NECAB1: variants seen among roughly 807,000 people sequenced by gnomAD.
NECAB1 encodes N-terminal EF-hand calcium-binding protein 1.
In NECAB1, 29 loss-of-function variants were observed where a neutral mutation model predicts 57.5. The observed-to-expected ratio is 0.50, with a 90% confidence interval of 0.38 to 0.69. The LOEUF (loss-of-function observed/expected upper bound fraction) is 0.69, where lower values mean the gene tolerates loss of function less well. Ranked by LOEUF, NECAB1 falls within the 30% of genes least tolerant of loss-of-function variation. The pLI, the probability that NECAB1 is intolerant of heterozygous loss-of-function variation, is 0.00. For synonymous variants in NECAB1, 142 were observed against 147.7 expected, an observed-to-expected ratio of 0.96 and a Z score of 0.28; for missense variants, 372 against 413.8, an observed-to-expected ratio of 0.90 and a Z score of 0.88.
At position 90,957,416 on chromosome 8, in the gene NECAB1, G is replaced by A. The variant is rs1264275568; in HGVS notation, c.*1904G>A. 6.6e-6 allele frequency: 1 copy of A among 151,798 alleles called. No homozygotes were observed. Among genetic ancestry groups the A allele is most frequent in the East Asian group, 1.9e-4 (1 of 5,186 alleles). The allele number at this position is 151,798 out of a possible 1,614,324, so 9.4% of individuals were successfully genotyped here. ...GTTCTGTTTTCATTAACAGTACTAAGTGGAAGGGATCTGCAGATTCCAAAC... is the reference window on the plus strand; with the variant it reads ...GTTCTGTTTTCATTAACAGTACTAAATGGAAGGGATCTGCAGATTCCAAAC... On this transcript the variant is annotated 3_prime_UTR_variant, in exon 13 of 13. Transcript: ENST00000417640.
intron 4 of NECAB1, among the ~76,000 whole-genome samples, chr8:90,872,903 G>A (rs1808645091): frequency 6.6e-6 from 1 of 152,124 alleles, no homozygotes; most frequent in African/African-American, 2.4e-5. Flanking sequence ...TTGGTAGTTA[G>A]AGTTGAGTTT....
At chr8:90,875,438 G>A (rs1005433307) in intron 4 of NECAB1, among the ~76,000 whole-genome samples, 1 of 128,052 alleles carries the variant, frequency 7.8e-6, no homozygotes, top group Non-Finnish European at 1.5e-5. Flanking sequence ...CCGAGATTGC[G>A]CCACTGCAGT....
chr8:90,820,036 C>T (rs1812120357), intron 2 of NECAB1, among the ~76,000 whole-genome samples: 1 of 151,898 alleles, frequency 6.6e-6, no homozygotes, highest in Admixed American at 6.6e-5. Context: ...CCCTCTCATG[C>T]TCATCCACAA....
chr8:90,819,222 C>T (rs946010104), intron 2 of NECAB1, among the ~76,000 whole-genome samples: 5 of 151,684 alleles, frequency 3.3e-5, no homozygotes, highest in Non-Finnish European at 4.4e-5. Flanking sequence ...TACTTTTTTC[C>T]AGTAGAGCCA....
chr8:90,809,262 A>G (rs1811911432), intron 2 of NECAB1, among the ~76,000 whole-genome samples: 1 of 152,188 alleles, frequency 6.6e-6, no homozygotes, highest in Non-Finnish European at 1.5e-5. Flanking sequence ...AAAGTTTCAG[A>G]GGCTTCCACA....
At chr8:90,950,271 A>AGG (rs1810899111) in intron 11 of NECAB1, among the ~76,000 whole-genome samples, 1 of 152,168 alleles carries the variant, frequency 6.6e-6, no homozygotes, top group Non-Finnish European at 1.5e-5. Context: ...TAGTCTGTGC[A>AGG]GTTATTTTAT....
intron 3 of NECAB1, among the ~76,000 whole-genome samples, chr8:90,860,318 A>G (rs1191433874): frequency 6.8e-6 from 1 of 147,894 alleles, no homozygotes; most frequent in Non-Finnish European, 1.5e-5. Context: ...ACTCATCGCT[A>G]TTCCTGGTAC....
At chr8:90,927,204 C>CTCTTTTTTTTTTTTT (rs10630870) in intron 7 of NECAB1, among the ~76,000 whole-genome samples, 4 of 131,132 alleles carry the variant, frequency 3.1e-5, no homozygotes, top group East Asian at 2.3e-4. Context: ...TTTTCTCTCT[C>CTCTTTTTTTTTTTTT]TTTTTTTTTT....
At chr8:90,857,864 G>T (rs965609031) in intron 3 of NECAB1, among the ~76,000 whole-genome samples, 6 of 152,028 alleles carry the variant, frequency 3.9e-5, no homozygotes, top group African/African-American at 1.4e-4. Context: ...GATATAAAGT[G>T]GTGACTCAGT....
chr8:90,850,351 C>T (rs1348129668), intron 3 of NECAB1, among the ~76,000 whole-genome samples: 1 of 152,134 alleles, frequency 6.6e-6, no homozygotes, highest in Non-Finnish European at 1.5e-5. Flanking sequence ...AAAGATGGTC[C>T]TGTGCATAAA....
intron 2 of NECAB1, among the ~76,000 whole-genome samples, chr8:90,815,412 T>A (rs60118864): frequency 1.3e-3 from 203 of 152,220 alleles, no homozygotes; most frequent in African/African-American, 4.6e-3. Flanking sequence ...TTTAAGATTT[T>A]GCATGCATTA....
intron 5 of NECAB1, among the ~76,000 whole-genome samples, chr8:90,902,060 T>G (rs935568737): frequency 7.9e-5 from 12 of 152,206 alleles, no homozygotes; most frequent in African/African-American, 2.9e-4. Flanking sequence ...ATCCACATAT[T>G]TTATTCTTTC....
At chr8:90,906,885 A>ATATGTATATATATATATGTATG (rs1554574058) in intron 5 of NECAB1, among the ~76,000 whole-genome samples, 1 of 120,926 alleles carries the variant, frequency 8.3e-6, no homozygotes, top group African/African-American at 3.5e-5. Context: ...ACATATATAT[A>ATATGTATATATATATATGTATG]TATATATATA....
intron 1 of NECAB1, among the ~76,000 whole-genome samples, chr8:90,794,079 G>T (rs531259303): frequency 6.6e-6 from 1 of 152,072 alleles, no homozygotes; most frequent in African/African-American, 2.4e-5. Flanking sequence ...TGACATGCTT[G>T]TTTGTCGGTA....
At chr8:90,948,837 G>A (rs959290128) in intron 10 of NECAB1, among the ~76,000 whole-genome samples, 5 of 151,958 alleles carry the variant, frequency 3.3e-5, no homozygotes, top group Non-Finnish European at 7.4e-5. Flanking sequence ...CTGTGCCATC[G>A]GAAGGATCTT....
At position 90,955,790 on chromosome 8, in the gene NECAB1, G is replaced by A; in HGVS notation, c.*278G>A. 5.8e-6 allele frequency: 2 copies of A among 343,366 alleles called. No homozygotes were observed. Among genetic ancestry groups the A allele is most frequent in the South Asian group, 7.5e-5 (1 of 13,324 alleles). The allele number at this position is 343,366 out of a possible 1,614,324, so 21.3% of individuals were successfully genotyped here. A position where few individuals can be genotyped will look rare whatever the true frequency, so the allele number is the denominator to read the frequency against. ...TTTTAGTGACAAAATCCTAATATGTGGAAAAAAGCATATGCATAAAGGAAT... is the reference window on the plus strand; with the variant it reads ...TTTTAGTGACAAAATCCTAATATGTAGAAAAAAGCATATGCATAAAGGAAT... On this transcript the variant is annotated 3_prime_UTR_variant, in exon 13 of 13. Transcript: ENST00000417640.
chr8:90,877,440 G>C (rs749956890), intron 4 of NECAB1, among the ~76,000 whole-genome samples: 15 of 151,988 alleles, frequency 9.9e-5, no homozygotes, highest in Non-Finnish European at 2.1e-4. Context: ...ATCTCCTAGG[G>C]AACCTCGCCC....
chr8:90,856,192 C>T (rs1216718659), intron 3 of NECAB1, among the ~76,000 whole-genome samples: 1 of 152,118 alleles, frequency 6.6e-6, no homozygotes, highest in Admixed American at 6.5e-5. Flanking sequence ...GTTTCAGTCA[C>T]TTGTTAACAC....
At position 90,955,415 on chromosome 8, in the gene NECAB1, A is replaced by T. The variant is rs181617760; in HGVS notation, c.1031-72A>T. The T allele has an allele frequency of 1.6e-5, 18 of 1,114,690 alleles. No individual in the cohort carries two copies. The East Asian group carries it at 3.7e-4, about 23-fold the overall frequency. 69.0% of individuals were successfully genotyped at this position (1,114,690 alleles called of 1,614,324 possible). A position where few individuals can be genotyped will look rare whatever the true frequency, so the allele number is the denominator to read the frequency against. ...TAAGGGGAATGGTCTCTTTAGAAATAATTTGCACCTTGAATGTTCTTTGCC... is the reference window on the plus strand; with the variant it reads ...TAAGGGGAATGGTCTCTTTAGAAATTATTTGCACCTTGAATGTTCTTTGCC... On this transcript the variant is annotated intron_variant, in intron 12 of 12. Coordinates refer to ENST00000417640, the MANE Select transcript of NECAB1 (RefSeq NM_022351.5).
Sources: allele counts gnomAD v4.1 joint callset (sites outside exome capture counted in the v4.1 genomes callset), GRCh38; gene constraint gnomAD v4.1.1; transcripts MANE v1.5; gene names NCBI Gene and HGNC (gene_info 2026-07-23, HGNC 2026-07-21).